AP1S3: variants seen among roughly 807,000 people sequenced by gnomAD.
AP1S3 encodes adaptor related protein complex 1 subunit sigma 3.
In AP1S3, 10 loss-of-function variants were observed where a neutral mutation model predicts 20.9. That is an observed-to-expected ratio of 0.48 (90% CI 0.29 to 0.81). The LOEUF (loss-of-function observed/expected upper bound fraction) is 0.81, where lower values mean the gene tolerates loss of function less well. AP1S3 is among the 30% of genes least tolerant of loss of function. The probability of loss-of-function intolerance (pLI) is 0.08; values close to 1 mark genes in which losing one functional copy is unlikely to be tolerated. For synonymous variants in AP1S3, 41 were observed against 61.5 expected, an observed-to-expected ratio of 0.67 and a Z score of 1.56; for missense variants, 154 against 183.8, an observed-to-expected ratio of 0.84 and a Z score of 0.94.
Position 223,819,598 on chromosome 2 carries a change from T to TAA in AP1S3, c.3+17848_3+17849dup, listed in dbSNP as rs61543706. On this transcript the variant is annotated intron_variant, in intron 1 of 4. Coordinates refer to ENST00000396654, the MANE Select transcript of AP1S3 (RefSeq NM_001039569.2). ...AAATACTGCTTCAAGATGCCTTGTG[T>TAA]AAAAAAAAAAAAAAATTAAAGTCCT... Among the ~76,000 whole-genome samples the TAA allele has an allele frequency of 5.3e-4, 77 of 146,344 alleles. 1 individual carries two copies. The highest frequency in any genetic ancestry group is 1.2e-3 in the East Asian group (6 of 5,004).
chr2:223,811,096 C>CTTT (rs72061659), intron 1 of AP1S3, among the ~76,000 whole-genome samples: 2 of 147,758 alleles, frequency 1.4e-5, no homozygotes, highest in Non-Finnish European at 1.5e-5. Flanking sequence ...CCATCTTCAC[C>CTTT]TTTTTTTTTT....
chr2:223,817,175 G>A (rs1351978210), intron 1 of AP1S3, among the ~76,000 whole-genome samples: 1 of 152,156 alleles, frequency 6.6e-6, no homozygotes, highest in Non-Finnish European at 1.5e-5. Flanking sequence ...CTCCGTATGA[G>A]AGGTGGTCCA....
chr2:223,768,660 GC>G (rs1192463657), intron 3 of AP1S3, among the ~76,000 whole-genome samples: 2 of 152,044 alleles, frequency 1.3e-5, no homozygotes, highest in African/African-American at 4.8e-5. Context: ...TTCAAGACCA[GC>G]CTGGCCAACA....
chr2:223,828,752 G>A (rs553593658), intron 1 of AP1S3, among the ~76,000 whole-genome samples: 1 of 152,172 alleles, frequency 6.6e-6, no homozygotes, highest in Non-Finnish European at 1.5e-5. Flanking sequence ...GAGAAGCCCT[G>A]CATTCAGAAG....
At chr2:223,780,749 AT>A (rs1690927152) in intron 1 of AP1S3, among the ~76,000 whole-genome samples, 1 of 112,684 alleles carries the variant, frequency 8.9e-6, no homozygotes, top group African/African-American at 2.8e-5. Context: ...TTAATAGTTC[AT>A]CTTTTTTTTT....
intron 3 of AP1S3, chr2:223,770,293 G>C: frequency 1.9e-6 from 3 of 1,550,546 alleles, no homozygotes; most frequent in South Asian, 2.4e-5. Context: ...AGACAGACAG[G>C]AGCCTCATTA....
chr2:223,756,548 G>A lies in AP1S3; in HGVS notation c.*2167C>T. The A allele has an allele frequency of 2.0e-6, 2 of 985,352 alleles. No homozygotes were observed. The highest frequency in any genetic ancestry group is 2.4e-6 in the Non-Finnish European group (2 of 829,900). The allele number at this position is 985,352 out of a possible 1,614,324, so 61.0% of individuals were successfully genotyped here. ...ACCACAAAACTGAAGGTTAGCTAAA[G>A]TAAACACAGTGGTCAATCATACATG... On this transcript the variant is annotated 3_prime_UTR_variant, in exon 5 of 5. Transcript: ENST00000396654.
chr2:223,808,983 A>T (rs1691648089), intron 1 of AP1S3, among the ~76,000 whole-genome samples: 1 of 152,242 alleles, frequency 6.6e-6, no homozygotes, highest in Admixed American at 6.5e-5. Context: ...TGACACAGGG[A>T]GACCCCGTCT....
intron 1 of AP1S3, among the ~76,000 whole-genome samples, chr2:223,783,649 G>A (rs1350952258): frequency 3.3e-5 from 5 of 152,174 alleles, no homozygotes; most frequent in African/African-American, 1.2e-4. Flanking sequence ...GAACCCTGAA[G>A]GCTTCCAGTA....
At chr2:223,826,830 G>A (rs1692140197) in intron 1 of AP1S3, among the ~76,000 whole-genome samples, 1 of 151,800 alleles carries the variant, frequency 6.6e-6, no homozygotes, top group Admixed American at 6.6e-5. Flanking sequence ...ATTTTGAGAT[G>A]CTTTTTTTGA....
At chr2:223,789,334 CA>C (rs1376441554) in intron 1 of AP1S3, among the ~76,000 whole-genome samples, 2 of 151,538 alleles carry the variant, frequency 1.3e-5, no homozygotes, top group Non-Finnish European at 1.5e-5. Flanking sequence ...CTATGATAAC[CA>C]AAATAAAATC....
intron 1 of AP1S3, among the ~76,000 whole-genome samples, chr2:223,829,855 A>AC (rs1553527632): frequency 0.029 from 4,446 of 150,960 alleles, 209 homozygotes; most frequent in African/African-American, 0.1. Flanking sequence ...ACAAAAAAAA[A>AC]ACAAAAAAAC....
chr2:223,797,619 G>T lies in AP1S3; in HGVS notation c.4-19750C>A, dbSNP rs138525469. ...TCTACTAAAAATACAAAAATTAGCC[G>T]GCCATGGTTATAGGCAGGTGCCTAC... On this transcript the variant is annotated intron_variant, in intron 1 of 4. Coordinates refer to ENST00000396654, the MANE Select transcript of AP1S3 (RefSeq NM_001039569.2). Among the ~76,000 whole-genome samples the T allele has an allele frequency of 8.2e-4, 125 of 151,972 alleles. 4 individuals carry two copies. In the East Asian group the frequency reaches 0.021, roughly 26 times the overall value.
intron 1 of AP1S3, among the ~76,000 whole-genome samples, chr2:223,786,953 C>T (rs571638624): frequency 1.3e-5 from 2 of 152,188 alleles, no homozygotes; most frequent in Middle Eastern, 6.8e-3. Flanking sequence ...TGTGTCCCCA[C>T]TAAACTCGTG....
Position 223,773,957 on chromosome 2 carries a change from G to A in AP1S3, c.291+1944C>T, listed in dbSNP as rs377273475. Among the ~76,000 whole-genome samples, 10 of 152,310 alleles carry A rather than the reference G, an allele frequency of 6.6e-5. No homozygotes were observed. The East Asian group carries it at 1.4e-3, about 21-fold the overall frequency. ...GTTAAGCGGTGGGGGGATAAAATGAGTCACAAAGCACTGGTCTCAAGAGAA... is the reference window on the plus strand; with the variant it reads ...GTTAAGCGGTGGGGGGATAAAATGAATCACAAAGCACTGGTCTCAAGAGAA... On this transcript the variant is annotated intron_variant, in intron 3 of 4. Coordinates refer to ENST00000396654, the MANE Select transcript of AP1S3 (RefSeq NM_001039569.2).
At chr2:223,834,143 G>A (rs1692343605) in intron 1 of AP1S3, among the ~76,000 whole-genome samples, 1 of 152,076 alleles carries the variant, frequency 6.6e-6, no homozygotes, top group Non-Finnish European at 1.5e-5. Flanking sequence ...CCTGACTTCA[G>A]GTGATCCGCC....
chr2:223,837,440 G>T lies in AP1S3; in HGVS notation c.3+8C>A, dbSNP rs758275363. 2.0e-4 allele frequency: 253 copies of T among 1,248,324 alleles called. No individual in the cohort carries two copies. Among genetic ancestry groups the T allele is most frequent in the Middle Eastern group, 9.1e-4 (3 of 3,286 alleles). The allele number at this position is 1,248,324 out of a possible 1,614,324, so 77.3% of individuals were successfully genotyped here. ...GCCTACCCGGGCCGGCGGTTCCCCC[G>T]CACTCACCATCGTGGCTGGGCCGCC... On this transcript the variant is annotated splice_region_variant and intron_variant, in intron 1 of 4. Coordinates refer to ENST00000396654, the MANE Select transcript of AP1S3 (RefSeq NM_001039569.2).
intron 1 of AP1S3, among the ~76,000 whole-genome samples, chr2:223,802,279 T>C (rs1195696379): frequency 6.6e-6 from 1 of 151,484 alleles, no homozygotes; most frequent in East Asian, 1.9e-4. Context: ...GCTTTCTTCC[T>C]TATTAAGAAA....
intron 1 of AP1S3, among the ~76,000 whole-genome samples, chr2:223,819,050 T>C (rs540163781): frequency 1.3e-5 from 2 of 152,338 alleles, no homozygotes; most frequent in Admixed American, 1.3e-4. Context: ...TACATATTTT[T>C]TCAGGGCCTT....
Sources: gnomAD v4.1 joint callset for allele counts (sites outside exome capture counted in the v4.1 genomes callset) on GRCh38, gnomAD v4.1.1 for gene constraint, MANE v1.5 for transcripts, NCBI Gene and HGNC (gene_info 2026-07-23, HGNC 2026-07-21) for gene names.